The following CNTN6 variants were observed in gnomAD, a reference collection of about 807,000 sequenced individuals.
CNTN6 encodes the protein contactin 6, also known as contactin-6.
CNTN6 carries 137 observed loss-of-function variants against 122.8 expected under a neutral mutation model. The observed-to-expected ratio is 1.12, with a 90% CI of 0.97 to 1.29. The LOEUF (loss-of-function observed/expected upper bound fraction) is 1.29. Among genes scored for constraint, CNTN6 ranks in the 50% most tolerant of loss-of-function variants. The pLI, the probability that CNTN6 is intolerant of heterozygous loss-of-function variation, is 0.00. For synonymous variants in CNTN6, 570 were observed against 426.0 expected (o/e 1.34, Z -4.16); for missense variants, 1,634 against 1,223.4 (o/e 1.34, Z -5.01).
chr3:1,320,025 GTTC>G (rs761301205), intron 7 of CNTN6, among the ~76,000 whole-genome samples: 3 of 151,230 alleles, frequency 2.0e-5, no homozygotes, highest in South Asian at 2.1e-4. Flanking sequence ...CTAGAATTTC[GTTC>G]TTATTGGTTA....
In CNTN6 at chr3:1,325,919, T is replaced by C. The variant is rs772492005; in HGVS notation, c.1051T>C (p.Trp351Arg). The change falls in exon 9 of 23, where the codon TGG (tryptophan) becomes CGG (arginine). Residue 351 changes from tryptophan (W) to arginine (R), a missense_variant. Physicochemically the swap from Trp to Arg is moderately radical, Grantham distance 101 (BLOSUM62 -3). Coordinates refer to ENST00000446702, the MANE Select transcript of CNTN6 (RefSeq NM_001289080.2). ...ASGKPNPWYT[W>R]LKNGERLNPE... ...TGGAAAGCCAAACCCTTGGTATACA[T>C]GGTTAAAAAATGGTGAACGACTCAA... is the stretch of plus-strand genomic sequence containing the variant. The C allele has an allele frequency of 2.5e-6, 4 of 1,611,490 alleles. No homozygotes were observed. The East Asian group carries it at 6.7e-5, about 27-fold the overall frequency.
chr3:1,127,134 C>G (rs2092191830), intron 1 of CNTN6, among the ~76,000 whole-genome samples: 1 of 151,462 alleles, frequency 6.6e-6, no homozygotes, highest in Admixed American at 6.6e-5. Flanking sequence ...TTTACTATTT[C>G]ATTTACGAGC....
chr3:1,392,110 C>T (rs1379774214), intron 20 of CNTN6, among the ~76,000 whole-genome samples: 1 of 152,180 alleles, frequency 6.6e-6, no homozygotes, highest in African/African-American at 2.4e-5. Flanking sequence ...CAATTCTAAG[C>T]CAAAAGAACA....
rs9835011 is a variant in CNTN6, at chr3:1,268,555, C to G, written c.359-9858C>G. On this transcript the variant is annotated intron_variant, in intron 4 of 22. Transcript: ENST00000446702. Reference sequence around the variant, plus strand: ...CCGGGAGGAGGAGCTTGCAGTGAGCCGAGATTGAGCCACTGCACTCCAGCC... The same window carrying G: ...CCGGGAGGAGGAGCTTGCAGTGAGCGGAGATTGAGCCACTGCACTCCAGCC... 1.1e-3 allele frequency among the ~76,000 whole-genome samples: 149 copies of G among 138,404 alleles called. 2 individuals carry two copies. Among genetic ancestry groups the G allele is most frequent in the African/African-American group, 3.9e-3 (141 of 36,294 alleles). 90.8% of individuals were successfully genotyped at this position (138,404 alleles called of 152,430 possible).
At chr3:1,392,653 C>T (rs1300886511) in intron 20 of CNTN6, among the ~76,000 whole-genome samples, 4 of 145,954 alleles carry the variant, frequency 2.7e-5, no homozygotes, top group Non-Finnish European at 4.6e-5. Context: ...TCGCAACCTA[C>T]TCATCTGACA....
intron 1 of CNTN6, among the ~76,000 whole-genome samples, chr3:1,100,828 T>C (rs2090851272): frequency 6.6e-6 from 1 of 152,164 alleles, no homozygotes; most frequent in Non-Finnish European, 1.5e-5. Context: ...TCTTAAGCTC[T>C]CAAAAAAATT....
intron 11 of CNTN6, among the ~76,000 whole-genome samples, chr3:1,348,505 TAG>T (rs1389736032): frequency 6.6e-6 from 1 of 152,088 alleles, no homozygotes; most frequent in South Asian, 2.1e-4. Context: ...CATCACATTT[TAG>T]AGAGTTATTA....
At chr3:1,111,200 G>A (rs764943605) in intron 1 of CNTN6, among the ~76,000 whole-genome samples, 6 of 152,092 alleles carry the variant, frequency 3.9e-5, no homozygotes, top group East Asian at 1.9e-4. Context: ...GATGTTATGC[G>A]GAAAGCAGTA....
chr3:1,383,686 G>A (rs2126183672), intron 19 of CNTN6, among the ~76,000 whole-genome samples: 1 of 152,274 alleles, frequency 6.6e-6, no homozygotes, highest in South Asian at 2.1e-4. Context: ...GCTTTATTGA[G>A]GCAGCAGTGT....
At chr3:1,284,084 A>G (rs1252744364) in intron 5 of CNTN6, among the ~76,000 whole-genome samples, 1 of 152,234 alleles carries the variant, frequency 6.6e-6, no homozygotes, top group African/African-American at 2.4e-5. Context: ...TTTAGAGGAA[A>G]TGTTCCATTC....
At chr3:1,172,829 G>C (rs188449833) in intron 2 of CNTN6, among the ~76,000 whole-genome samples, 36 of 152,300 alleles carry the variant, frequency 2.4e-4, no homozygotes, top group Non-Finnish European at 4.4e-4. Flanking sequence ...CATGAGGCAA[G>C]CTGTCTCTTT....
At chr3:1,122,246 A>G (rs1407504617) in intron 1 of CNTN6, among the ~76,000 whole-genome samples, 3 of 151,732 alleles carry the variant, frequency 2.0e-5, no homozygotes, top group Admixed American at 6.6e-5. Context: ...CTTGCAGGAA[A>G]TATACATTTA....
At chr3:1,200,057 CAT>C (rs898000042) in intron 2 of CNTN6, among the ~76,000 whole-genome samples, 7 of 151,550 alleles carry the variant, frequency 4.6e-5, no homozygotes, top group African/African-American at 1.2e-4. Context: ...TTTTTTTAGA[CAT>C]ATATATATAT....
At chr3:1,249,813 T>C (rs1470680733) in intron 4 of CNTN6, among the ~76,000 whole-genome samples, 2 of 152,182 alleles carry the variant, frequency 1.3e-5, no homozygotes, top group African/African-American at 2.4e-5. Flanking sequence ...GGATTTTATT[T>C]TAATTATTTC....
intron 1 of CNTN6, among the ~76,000 whole-genome samples, chr3:1,109,217 G>T (rs1232454937): frequency 6.6e-6 from 1 of 152,024 alleles, no homozygotes; most frequent in Admixed American, 6.6e-5. Context: ...CAAGGGACTT[G>T]CCCGAGACTA....
chr3:1,376,147 T>G (rs1010278226), intron 16 of CNTN6, among the ~76,000 whole-genome samples: 10 of 152,140 alleles, frequency 6.6e-5, no homozygotes, highest in Non-Finnish European at 1.5e-4. Context: ...AGGATACTTT[T>G]GTCATTACGT....
intron 7 of CNTN6, among the ~76,000 whole-genome samples, chr3:1,316,793 C>T (rs548571915): frequency 1.3e-5 from 2 of 151,912 alleles, no homozygotes; most frequent in African/African-American, 4.8e-5. Flanking sequence ...AACATTAAAG[C>T]TCGCTACTAA....
intron 19 of CNTN6, among the ~76,000 whole-genome samples, chr3:1,384,312 T>TAA (rs1294176996): frequency 7.2e-5 from 11 of 151,934 alleles, no homozygotes; most frequent in Non-Finnish European, 1.5e-4. Context: ...TGGTAAGAGG[T>TAA]GAAGTCTGCT....
intron 2 of CNTN6, among the ~76,000 whole-genome samples, chr3:1,182,025 T>C (rs1045018016): frequency 6.6e-6 from 1 of 152,124 alleles, no homozygotes; most frequent in Non-Finnish European, 1.5e-5. Flanking sequence ...TGTGCTTTTT[T>C]TTCTTAATCG....
Sources: gnomAD v4.1 joint callset for allele counts (sites outside exome capture counted in the v4.1 genomes callset) on GRCh38, gnomAD v4.1.1 for gene constraint, MANE v1.5 for transcripts, NCBI Gene and HGNC (gene_info 2026-07-23, HGNC 2026-07-21) for gene names.